The following PAG1 variants were observed in gnomAD, a reference collection of about 807,000 sequenced individuals.
PAG1 encodes phosphoprotein membrane anchor with glycosphingolipid microdomains 1.
A neutral mutation model predicts 31.7 loss-of-function variants in PAG1; 23 were observed. The ratio of observed to expected loss-of-function variants is 0.73; its 90% CI spans 0.52 to 1.03. The LOEUF (loss-of-function observed/expected upper bound fraction) is 1.03, where lower values mean the gene tolerates loss of function less well. Among genes scored for constraint, PAG1 ranks in the 50% least tolerant of loss-of-function variants. The probability of loss-of-function intolerance (pLI) is 0.00; values close to 1 mark genes in which losing one functional copy is unlikely to be tolerated. For synonymous variants in PAG1, 214 were observed against 210.3 expected (o/e 1.02, Z -0.15); for missense variants, 473 against 540.7 (o/e 0.87, Z 1.24).
intron 2 of PAG1, among the ~76,000 whole-genome samples, chr8:81,068,892 C>T (rs970188649): frequency 1.3e-5 from 2 of 152,136 alleles, no homozygotes; most frequent in African/African-American, 2.4e-5. Context: ...TCTTCATTAC[C>T]CCCAACCGGA....
Position 80,987,478 on chromosome 8 carries a change from A to G in PAG1, c.178-12T>C. On this transcript the variant is annotated splice_polypyrimidine_tract_variant and intron_variant, in intron 5 of 8. Coordinates refer to ENST00000220597, the MANE Select transcript of PAG1 (RefSeq NM_018440.4). ...TCCTTGTCTGAAGGCTGAAAACAAA[A>G]ACAAAAACAAAAACAAATGCATCAC... 1 of 1,549,870 alleles carries G rather than the reference A, an allele frequency of 6.5e-7. No individual in the cohort carries two copies. Among genetic ancestry groups the G allele is most frequent in the Non-Finnish European group, 8.9e-7 (1 of 1,121,816 alleles).
At chr8:81,065,366 C>T (rs781225345) in intron 2 of PAG1, among the ~76,000 whole-genome samples, 16 of 151,892 alleles carry the variant, frequency 1.1e-4, no homozygotes, top group African/African-American at 3.6e-4. Flanking sequence ...TACTTTCAAA[C>T]GGAAGAGTCC....
At chr8:81,021,762 T>C (rs1808176157) in intron 3 of PAG1, among the ~76,000 whole-genome samples, 1 of 152,070 alleles carries the variant, frequency 6.6e-6, no homozygotes, top group African/African-American at 2.4e-5. Context: ...ATTCGACATT[T>C]AGAAGGACCT....
At chr8:81,098,639 G>C (rs921683871) in intron 1 of PAG1, among the ~76,000 whole-genome samples, 2 of 152,106 alleles carry the variant, frequency 1.3e-5, no homozygotes, top group African/African-American at 4.8e-5. Flanking sequence ...TGGGCCCCGG[G>C]GCTGGTGCAG....
intron 7 of PAG1, 46 bp downstream of exon 7, chr8:80,984,730 C>T (rs979160045): frequency 2.1e-5 from 33 of 1,573,516 alleles, no homozygotes; most frequent in Non-Finnish European, 2.5e-5. Context: ...AGATTCCTAA[C>T]CAGAACAGGA....
Position 80,976,829 on chromosome 8 carries a change from C to T in PAG1, c.1014G>A (p.Glu338=), listed in dbSNP as rs374102706. 1 of 1,613,766 alleles carries T rather than the reference C, an allele frequency of 6.2e-7. No homozygotes were observed. The highest frequency in any genetic ancestry group is 8.5e-7 in the Non-Finnish European group (1 of 1,179,794). The part of the protein sequence containing the change: ...NKSGQSLTVP[E]STYTSIQGDP... ...CCCCTTGAATGGAGGTGTAGGTGGA[C>T]TCCGGAACTGTAAGCGACTGCCCCG... is the stretch of plus-strand genomic sequence containing the variant. Residue 338 remains glutamate (E), a synonymous_variant, in exon 9 of 9, where the codon GAG becomes GAA. Coordinates refer to ENST00000220597, the MANE Select transcript of PAG1 (RefSeq NM_018440.4).
chr8:80,993,172 C>T lies in PAG1; in HGVS notation c.56G>A (p.Gly19Glu). Residue 19 changes from glycine to glutamate, a missense_variant, in exon 4 of 9, where the codon GGA becomes GAA. Physicochemically the swap from Gly to Glu is moderately conservative, Grantham distance 98. Transcript: ENST00000220597. ...GSGQMQITLW[G>E]SLAAVAIFFV... The stretch of plus-strand genomic sequence containing the variant: ...GAAAATGGCGACAGCAGCCAGACTT[C>T]CCCACAGGGTGATCTGCATCTGTCC... 1.2e-6 allele frequency: 2 copies of T among 1,613,738 alleles called. No individual in the cohort carries two copies. Among genetic ancestry groups the T allele is most frequent in the Non-Finnish European group, 1.7e-6 (2 of 1,179,852 alleles).
chr8:81,098,284 C>T (rs28541477), intron 1 of PAG1, among the ~76,000 whole-genome samples: 1,748 of 152,294 alleles, frequency 0.011, 35 homozygotes, highest in African/African-American at 0.04. Flanking sequence ...GATGATTATG[C>T]AAAATTCAAT....
chr8:81,088,120 AATT>A (rs1809389424), intron 1 of PAG1, among the ~76,000 whole-genome samples: 1 of 152,208 alleles, frequency 6.6e-6, no homozygotes, highest in Non-Finnish European at 1.5e-5. Context: ...GTGCTTCTTT[AATT>A]ATGTATTATT....
intron 5 of PAG1, 21 bp from the exon 6 acceptor site, chr8:80,987,487 A>AAAAAC: frequency 6.6e-7 from 1 of 1,526,620 alleles, no homozygotes; most frequent in Non-Finnish European, 9.1e-7. Context: ...AAACAAAAAC[A>AAAAAC]AAAACAAATG....
chr8:81,099,453 C>A (rs1280922452), intron 1 of PAG1, among the ~76,000 whole-genome samples: 2 of 152,152 alleles, frequency 1.3e-5, no homozygotes, highest in African/African-American at 4.8e-5. Context: ...TTCTTTGCTG[C>A]ATGTTTCACT....
rs1178916864 is a variant in PAG1, at chr8:80,990,916, T to C, written c.177+563A>G. On this transcript the variant is annotated intron_variant, in intron 5 of 8. Coordinates refer to ENST00000220597, the MANE Select transcript of PAG1 (RefSeq NM_018440.4). This position sits in a 1 kb window ranked among gnomAD's most constrained non-coding sequence, Gnocchi z 5.1. ...TAGTTAATATGAGGTCGTGCTACAG[T>C]AGGGTGGGCACTAGTCCAATATGTC... Among the ~76,000 whole-genome samples the C allele has an allele frequency of 3.3e-5, 5 of 152,118 alleles. No homozygotes were observed. Among genetic ancestry groups the C allele is most frequent in the Non-Finnish European group, 5.9e-5 (4 of 68,020 alleles).
intron 1 of PAG1, among the ~76,000 whole-genome samples, chr8:81,101,809 ATCATG>A (rs1390064055): frequency 1.3e-5 from 2 of 152,302 alleles, no homozygotes; most frequent in East Asian, 1.9e-4. Context: ...GACATGTTCT[ATCATG>A]TCAAGTATAC....
At chr8:80,995,803 TTC>T (rs1563622250) in intron 3 of PAG1, among the ~76,000 whole-genome samples, 1 of 152,198 alleles carries the variant, frequency 6.6e-6, no homozygotes, top group Non-Finnish European at 1.5e-5. Context: ...CATGTTTCTC[TTC>T]TCTCTCTCCT....
intron 3 of PAG1, among the ~76,000 whole-genome samples, chr8:81,006,978 A>G (rs1807890780): frequency 6.6e-6 from 1 of 152,214 alleles, no homozygotes; most frequent in Non-Finnish European, 1.5e-5. Flanking sequence ...TTTTCTTTGG[A>G]AAGTAGAGAC....
rs139904094 is a variant in PAG1, at chr8:81,095,404, C to T, written c.-234+16187G>A. Among the ~76,000 whole-genome samples the T allele has an allele frequency of 5.4e-3, 815 of 152,290 alleles. 8 individuals are homozygous for T. The highest frequency in any genetic ancestry group is 0.019 in the African/African-American group (771 of 41,542). On this transcript the variant is annotated intron_variant, in intron 1 of 8. Coordinates refer to ENST00000220597, the MANE Select transcript of PAG1 (RefSeq NM_018440.4). ...ATATAAACCTGGCCATGCTGCTTCC[C>T]GATCCTGAGTACAGGCACCCAACCT...
chr8:81,077,023 G>GCTGA (rs1809189461), intron 1 of PAG1, among the ~76,000 whole-genome samples: 1 of 152,192 alleles, frequency 6.6e-6, no homozygotes. Flanking sequence ...TAAAATGTCA[G>GCTGA]CTGACTGCAC....
At chr8:81,065,631 G>T (rs1476264993) in intron 2 of PAG1, among the ~76,000 whole-genome samples, 1 of 151,944 alleles carries the variant, frequency 6.6e-6, no homozygotes, top group Non-Finnish European at 1.5e-5. Flanking sequence ...ATTCCAAATG[G>T]TGCCATTCTA....
rs543031296 is a variant in PAG1, at chr8:81,070,337, A to G, written c.-233-167T>C. 4.6e-5 allele frequency among the ~76,000 whole-genome samples: 7 copies of G among 152,352 alleles called. No homozygotes were observed. The South Asian group carries it at 1.0e-3, about 23-fold the overall frequency. ...TTAGCTTTTACTGCTTTAATACTATAATAAAAGAATGTTAAAAAGCAAAAG... is the reference window on the plus strand; with the variant it reads ...TTAGCTTTTACTGCTTTAATACTATGATAAAAGAATGTTAAAAAGCAAAAG... On this transcript the variant is annotated intron_variant, in intron 1 of 8. Transcript: ENST00000220597.
Sources: allele counts gnomAD v4.1 joint callset (sites outside exome capture counted in the v4.1 genomes callset), GRCh38; gene constraint gnomAD v4.1.1; non-coding constraint Gnocchi (gnomAD v3.1); transcripts MANE v1.5; gene names NCBI Gene and HGNC (gene_info 2026-07-23, HGNC 2026-07-21).